B3GALT5: variants seen among roughly 807,000 people sequenced by gnomAD.
B3GALT5 encodes UDP-Gal:betaGlcNAc beta 1,3-galactosyltransferase, polypeptide 5.
For synonymous variants in B3GALT5, 156 were observed against 158.6 expected (o/e 0.98, Z 0.12); for missense variants, 328 against 396.6 (o/e 0.83, Z 1.47).
At chr21:39,646,198 A>G (rs1272009267) in intron 1 of B3GALT5, among the ~76,000 whole-genome samples, 194 bp from the exon 2 acceptor site, 3 of 151,982 alleles carry the variant, frequency 2.0e-5, no homozygotes, top group Non-Finnish European at 2.9e-5. Context: ...CTGCTTCTCA[A>G]CACTCCTGAG....
intron 1 of B3GALT5, among the ~76,000 whole-genome samples, chr21:39,626,377 C>A (rs957566778): frequency 2.0e-5 from 3 of 152,150 alleles, no homozygotes; most frequent in Non-Finnish European, 4.4e-5. Flanking sequence ...GTGAATAATG[C>A]CACTATGAAT....
intron 1 of B3GALT5, among the ~76,000 whole-genome samples, chr21:39,633,222 C>T (rs8134159): frequency 0.014 from 2,116 of 152,232 alleles, 44 homozygotes; most frequent in African/African-American, 0.048. Flanking sequence ...TGGTCTTATA[C>T]TGCAATCCCT....
intron 1 of B3GALT5, among the ~76,000 whole-genome samples, chr21:39,643,417 CAA>C (rs532164130): frequency 3.3e-4 from 37 of 113,300 alleles, no homozygotes; most frequent in Admixed American, 5.7e-4. Flanking sequence ...GACTCTAGCT[CAA>C]AAAAAAAAAA....
intron 2 of B3GALT5, among the ~76,000 whole-genome samples, chr21:39,658,324 C>T (rs1044285007): frequency 2.6e-5 from 4 of 152,120 alleles, no homozygotes; most frequent in Non-Finnish European, 5.9e-5. Flanking sequence ...ATGAGGTGAG[C>T]GCCCATCCCT....
At chr21:39,627,967 A>G (rs1311211935) in intron 1 of B3GALT5, among the ~76,000 whole-genome samples, 1 of 152,252 alleles carries the variant, frequency 6.6e-6, no homozygotes, top group Non-Finnish European at 1.5e-5. Context: ...TTAAGAGGAA[A>G]TGATAGGCAT....
In B3GALT5 at chr21:39,673,031, T is replaced by C. The variant is rs1447723277; in HGVS notation, c.*11539T>C. 2 of 152,214 alleles carry C rather than the reference T, an allele frequency of 1.3e-5. No individual in the cohort carries two copies. The highest frequency in any genetic ancestry group is 3.8e-4 in the East Asian group (2 of 5,196). 9.4% of individuals were successfully genotyped at this position (152,214 alleles called of 1,614,324 possible). A position where few individuals can be genotyped will look rare whatever the true frequency, so the allele number is the denominator to read the frequency against. ...GAAGAAATCAAGTCTTGTGAATTGATACGATTGTACTTCTAGAGTCTTTGA... is the reference window on the plus strand; with the variant it reads ...GAAGAAATCAAGTCTTGTGAATTGACACGATTGTACTTCTAGAGTCTTTGA... On this transcript the variant is annotated 3_prime_UTR_variant, in exon 4 of 4. Transcript: ENST00000684187. This position sits in a 1 kb window ranked among gnomAD's most constrained non-coding sequence, Gnocchi z 5.2.
In B3GALT5 at chr21:39,629,359, A is replaced by G. The variant is rs1296944460; in HGVS notation, c.-392+16292A>G. Among the ~76,000 whole-genome samples, 16 of 152,190 alleles carry G rather than the reference A, an allele frequency of 1.1e-4. No individual in the cohort carries two copies. The East Asian group carries it at 3.1e-3, about 29-fold the overall frequency. On this transcript the variant is annotated intron_variant, in intron 1 of 3. Coordinates refer to ENST00000684187, the MANE Select transcript of B3GALT5 (RefSeq NM_001356336.2). The stretch of plus-strand genomic sequence containing the variant: ...CTATACGTGCCATTTCACATGGTCT[A>G]TTTCTCATTTTTCTTGTTCTTTTTT...
rs752558565 is a variant in B3GALT5 at position 39,660,779 on chromosome 21, A to G, written c.220A>G (p.Met74Val). The G allele has an allele frequency of 8.9e-6, 14 of 1,568,302 alleles. No homozygotes were observed. The Admixed American group carries it at 2.2e-4, about 25-fold the overall frequency. ...ATCCCACAAACAGTTGGCTGAGCGC[A>G]TGGCCATCCGGCAGACGTGGGGGAA... ...TSSHKQLAER[M>V]AIRQTWGKER... The change falls in exon 4 of 4, where the codon ATG becomes GTG. Residue 74 changes from methionine to valine, a missense_variant. Met to Val is a conservative substitution (Grantham distance 21, BLOSUM62 1). Transcript: ENST00000684187.
chr21:39,655,605 G>A (rs369557930), intron 2 of B3GALT5, among the ~76,000 whole-genome samples: 1 of 152,140 alleles, frequency 6.6e-6, no homozygotes, highest in African/African-American at 2.4e-5. Context: ...GTCTGATGGG[G>A]TCTGAAGCTT....
intron 1 of B3GALT5, among the ~76,000 whole-genome samples, chr21:39,619,719 A>G (rs1019801763): frequency 6.6e-6 from 1 of 152,188 alleles, no homozygotes; most frequent in Non-Finnish European, 1.5e-5. Context: ...AAACACCACA[A>G]GTTTTAATTG....
rs2079532861 is a variant in B3GALT5 at position 39,662,096 on chromosome 21, A to G, written c.*604A>G. On this transcript the variant is annotated 3_prime_UTR_variant, in exon 4 of 4. Transcript: ENST00000684187. ...ACAGGGCTGGATGTAGCTGGGATTG[A>G]GTCCATGTTATCGGCTCGGTACTCA... The G allele has an allele frequency of 6.0e-6, 1 of 167,080 alleles. No individual in the cohort carries two copies. Among genetic ancestry groups the G allele is most frequent in the Admixed American group, 6.5e-5 (1 of 15,282 alleles). The allele number at this position is 167,080 out of a possible 1,614,324, so 10.3% of individuals were successfully genotyped here.
chr21:39,638,243 G>A (rs545924552), intron 1 of B3GALT5, among the ~76,000 whole-genome samples: 2 of 152,248 alleles, frequency 1.3e-5, no homozygotes, highest in South Asian at 4.2e-4. Flanking sequence ...ACCCTGGCCT[G>A]CCACACCCCC....
At chr21:39,634,451 A>G (rs2079212806) in intron 1 of B3GALT5, among the ~76,000 whole-genome samples, 1 of 152,146 alleles carries the variant, frequency 6.6e-6, no homozygotes, top group Non-Finnish European at 1.5e-5. Flanking sequence ...CATTCAGTCC[A>G]CTTTTGTGGC....
At chr21:39,649,064 C>T (rs1001131462) in intron 2 of B3GALT5, among the ~76,000 whole-genome samples, 2 of 152,222 alleles carry the variant, frequency 1.3e-5, no homozygotes, top group African/African-American at 2.4e-5. Flanking sequence ...CCTTAAAATG[C>T]CTTCCAGCTC....
chr21:39,634,714 G>T (rs150406728), intron 1 of B3GALT5, among the ~76,000 whole-genome samples: 46 of 152,236 alleles, frequency 3.0e-4, no homozygotes, highest in Middle Eastern at 3.4e-3. Flanking sequence ...AAGCATATTG[G>T]TTCTCAAAGT....
intron 1 of B3GALT5, among the ~76,000 whole-genome samples, chr21:39,629,340 G>A (rs1006494509): frequency 2.6e-5 from 4 of 152,110 alleles, no homozygotes; most frequent in Non-Finnish European, 5.9e-5. Context: ...TATTCTATAC[G>A]TGCCATTTCA....
In B3GALT5 at chr21:39,633,955, G is replaced by A. The variant is rs151085802; in HGVS notation, c.-391-12437G>A. 4.8e-3 allele frequency among the ~76,000 whole-genome samples: 736 copies of A among 152,250 alleles called. 8 individuals are homozygous for A. The highest frequency in any genetic ancestry group is 0.017 in the African/African-American group (688 of 41,542). On this transcript the variant is annotated intron_variant, in intron 1 of 3. Transcript: ENST00000684187. Reference sequence around the variant, plus strand: ...GGAGCTCTAAGCATTGGGTGTTGGCGTCTGTAATATTTGTGCATGACTGAC... The same window carrying A: ...GGAGCTCTAAGCATTGGGTGTTGGCATCTGTAATATTTGTGCATGACTGAC...
Position 39,643,922 on chromosome 21 carries a change from A to G in B3GALT5, c.-391-2470A>G, listed in dbSNP as rs145127694. Among the ~76,000 whole-genome samples, 631 of 152,260 alleles carry G rather than the reference A, an allele frequency of 4.1e-3. 5 individuals carry two copies. Among genetic ancestry groups the G allele is most frequent in the East Asian group, 0.025 (127 of 5,168 alleles). On this transcript the variant is annotated intron_variant, in intron 1 of 3. Coordinates refer to ENST00000684187, the MANE Select transcript of B3GALT5 (RefSeq NM_001356336.2). Reference sequence around the variant, plus strand: ...TTGCGTTCTTGTGGAAGTGATTGACACTGATAGTTCTGTCAATCAAGGAAA... The same window carrying G: ...TTGCGTTCTTGTGGAAGTGATTGACGCTGATAGTTCTGTCAATCAAGGAAA...
In B3GALT5 at chr21:39,672,339, C is replaced by T. The variant is rs773193149; in HGVS notation, c.*10847C>T. 2.0e-5 allele frequency: 3 copies of T among 152,216 alleles called. No individual in the cohort carries two copies. Among genetic ancestry groups the T allele is most frequent in the Admixed American group, 6.5e-5 (1 of 15,286 alleles). The allele number at this position is 152,216 out of a possible 1,614,324, so 9.4% of individuals were successfully genotyped here. A position where few individuals can be genotyped will look rare whatever the true frequency, so the allele number is the denominator to read the frequency against. On this transcript the variant is annotated 3_prime_UTR_variant, in exon 4 of 4. Coordinates refer to ENST00000684187, the MANE Select transcript of B3GALT5 (RefSeq NM_001356336.2). Reference sequence around the variant, plus strand: ...ACTTGTTTTACCTGGTCAAATAAGACATCACTAAAATCTACCATGACTGGA... The same window carrying T: ...ACTTGTTTTACCTGGTCAAATAAGATATCACTAAAATCTACCATGACTGGA...
Sources: allele counts gnomAD v4.1 joint callset (sites outside exome capture counted in the v4.1 genomes callset), GRCh38; gene constraint gnomAD v4.1.1; non-coding constraint Gnocchi (gnomAD v3.1); transcripts MANE v1.5; gene names NCBI Gene and HGNC (gene_info 2026-07-23, HGNC 2026-07-21).